The following GABRB1 variants were observed in gnomAD, a reference collection of about 807,000 sequenced individuals.
GABRB1 encodes the protein gamma-aminobutyric acid receptor subunit beta-1.
Under a neutral mutation model 51.6 loss-of-function variants are expected in GABRB1, and 17 were observed. The ratio of observed to expected loss-of-function variants is 0.33; its 90% CI spans 0.23 to 0.49. The LOEUF is 0.49. GABRB1 is among the 20% of genes least tolerant of loss of function. The pLI is 0.99. For synonymous variants in GABRB1, 247 were observed against 218.9 expected, an observed-to-expected ratio of 1.13 and a Z score of -1.14; for missense variants, 410 against 600.6, an observed-to-expected ratio of 0.68 and a Z score of 3.32.
chr4:47,172,696 C>A (rs1718492881), intron 4 of GABRB1, among the ~76,000 whole-genome samples: 1 of 118,430 alleles, frequency 8.4e-6, no homozygotes, highest in African/African-American at 3.3e-5. Flanking sequence ...GGCTGAAGTG[C>A]AGTGGCACGG....
intron 3 of GABRB1, among the ~76,000 whole-genome samples, chr4:47,129,629 A>G (rs910082014): frequency 1.3e-5 from 2 of 152,212 alleles, no homozygotes; most frequent in African/African-American, 2.4e-5. Context: ...GCCATAAACT[A>G]TGTGTTGCAA....
rs184274417 is a variant in GABRB1 at position 47,226,640 on chromosome 4, T to C, written c.461+65171T>C. On this transcript the variant is annotated intron_variant, in intron 4 of 8. Coordinates refer to ENST00000295454, the MANE Select transcript of GABRB1 (RefSeq NM_000812.4). Reference sequence around the variant, plus strand: ...AAAGAGGGATTATCACCAAGAAATCTTCATCCAAGTATCCCTTGAGGACTA... The same window carrying C: ...AAAGAGGGATTATCACCAAGAAATCCTCATCCAAGTATCCCTTGAGGACTA... 9.9e-5 allele frequency among the ~76,000 whole-genome samples: 15 copies of C among 152,232 alleles called. No individual in the cohort carries two copies. The East Asian group carries it at 2.9e-3, about 29-fold the overall frequency.
intron 4 of GABRB1, among the ~76,000 whole-genome samples, chr4:47,300,619 T>C (rs1468442623): frequency 3.3e-5 from 5 of 152,128 alleles, no homozygotes; most frequent in Non-Finnish European, 7.4e-5. Context: ...GGTAAAGACC[T>C]TTTTAAATTT....
chr4:47,368,754 C>CACTAACATTATTT (rs1294633438), intron 5 of GABRB1, among the ~76,000 whole-genome samples: 1 of 151,826 alleles, frequency 6.6e-6, no homozygotes, highest in Non-Finnish European at 1.5e-5. Context: ...AGTGTATGAC[C>CACTAACATTATTT]ACTAACATTA....
At chr4:47,053,575 A>G (rs1218440874) in intron 3 of GABRB1, among the ~76,000 whole-genome samples, 1 of 152,208 alleles carries the variant, frequency 6.6e-6, no homozygotes, top group Non-Finnish European at 1.5e-5. Flanking sequence ...ATTTTGAGAG[A>G]ACATAAACAT....
intron 4 of GABRB1, among the ~76,000 whole-genome samples, chr4:47,170,786 G>C (rs1347993990): frequency 1.3e-5 from 2 of 152,142 alleles, no homozygotes; most frequent in Non-Finnish European, 1.5e-5. Flanking sequence ...AGGTAACTCA[G>C]TTTATTAGAA....
In GABRB1 at chr4:47,312,341, G is replaced by C. The variant is rs75629482; in HGVS notation, c.462-7786G>C. Among the ~76,000 whole-genome samples the C allele has an allele frequency of 2.4e-4, 37 of 152,112 alleles. No individual in the cohort carries two copies. In the East Asian group the frequency reaches 6.8e-3, roughly 28 times the overall value. ...CCAATGTATTTTTCTAAACAGACTAGCCAAAATCCTGTCACAACTATGAAG... is the reference window on the plus strand; with the variant it reads ...CCAATGTATTTTTCTAAACAGACTACCCAAAATCCTGTCACAACTATGAAG... On this transcript the variant is annotated intron_variant, in intron 4 of 8. Transcript: ENST00000295454.
chr4:47,221,375 G>A (rs1339373817), intron 4 of GABRB1, among the ~76,000 whole-genome samples: 1 of 151,928 alleles, frequency 6.6e-6, no homozygotes. Context: ...GCACCTACAA[G>A]TGACATTGCT....
Position 47,422,323 on chromosome 4 carries a change from C to T in GABRB1, c.1081-3351C>T, listed in dbSNP as rs548499404. ...TCCAGCTTCACTTGACACCCTATCC[C>T]GATATGTGTGAGCTAATGCTTTTAT... On this transcript the variant is annotated intron_variant, in intron 8 of 8. Coordinates refer to ENST00000295454, the MANE Select transcript of GABRB1 (RefSeq NM_000812.4). Among the ~76,000 whole-genome samples, 6 of 152,244 alleles carry T rather than the reference C, an allele frequency of 3.9e-5. No homozygotes were observed. The East Asian group carries it at 9.6e-4, about 24-fold the overall frequency.
At chr4:47,064,792 T>C (rs1727004437) in intron 3 of GABRB1, among the ~76,000 whole-genome samples, 1 of 152,200 alleles carries the variant, frequency 6.6e-6, no homozygotes, top group Non-Finnish European at 1.5e-5. Flanking sequence ...TGTTCATTGA[T>C]GCATCCTCAA....
chr4:47,368,884 G>A (rs1479766127), intron 5 of GABRB1, among the ~76,000 whole-genome samples: 1 of 152,084 alleles, frequency 6.6e-6, no homozygotes, highest in African/African-American at 2.4e-5. Context: ...AAGGCAGGTG[G>A]ATCTCTTGAG....
At chr4:47,294,388 G>A (rs186722519) in intron 4 of GABRB1, among the ~76,000 whole-genome samples, 27 of 152,252 alleles carry the variant, frequency 1.8e-4, no homozygotes, top group African/African-American at 5.5e-4. Context: ...CTGGAAAATC[G>A]GGTCACTCCC....
chr4:47,072,635 A>C (rs574532467), intron 3 of GABRB1, among the ~76,000 whole-genome samples: 15 of 152,302 alleles, frequency 9.8e-5, no homozygotes, highest in African/African-American at 3.4e-4. Context: ...TTAAGTTTGC[A>C]TAAGGCAATG....
chr4:47,140,734 C>G (rs559456874), intron 3 of GABRB1, among the ~76,000 whole-genome samples: 2 of 150,822 alleles, frequency 1.3e-5, no homozygotes, highest in Non-Finnish European at 3.0e-5. Flanking sequence ...TTTATTTGCT[C>G]TTTCCTGTGT....
At chr4:47,235,120 C>T (rs1041242571) in intron 4 of GABRB1, among the ~76,000 whole-genome samples, 1 of 152,118 alleles carries the variant, frequency 6.6e-6, no homozygotes, top group Non-Finnish European at 1.5e-5. Context: ...CAGCTTTTTC[C>T]ATAACATACT....
chr4:47,022,118 C>T (rs1301034134), intron 1 of GABRB1, among the ~76,000 whole-genome samples: 1 of 152,054 alleles, frequency 6.6e-6, no homozygotes, highest in Non-Finnish European at 1.5e-5. Flanking sequence ...AATTTCACAG[C>T]ACTGTACTTA....
chr4:47,248,463 T>C (rs1721852115), intron 4 of GABRB1, among the ~76,000 whole-genome samples: 1 of 152,026 alleles, frequency 6.6e-6, no homozygotes, highest in South Asian at 2.1e-4. Flanking sequence ...TCATCAAGGA[T>C]ATTATTTTTG....
intron 4 of GABRB1, among the ~76,000 whole-genome samples, chr4:47,209,930 G>A (rs961643193): frequency 6.6e-6 from 1 of 152,008 alleles, no homozygotes; most frequent in Admixed American, 6.6e-5. Flanking sequence ...TCCTGGTTGT[G>A]TAATCACTCT....
At chr4:47,408,919 G>A (rs1416863535) in intron 8 of GABRB1, among the ~76,000 whole-genome samples, 3 of 152,188 alleles carry the variant, frequency 2.0e-5, no homozygotes, top group Non-Finnish European at 2.9e-5. Context: ...ACATGAACTG[G>A]ATGGATACTC....
Sources: gnomAD v4.1 joint callset for allele counts (sites outside exome capture counted in the v4.1 genomes callset) on GRCh38, gnomAD v4.1.1 for gene constraint, MANE v1.5 for transcripts, NCBI Gene and HGNC (gene_info 2026-07-23, HGNC 2026-07-21) for gene names.